Variants in MCFD2 observed in about 807,000 individuals in gnomAD.
MCFD2 encodes the protein multiple coagulation factor deficiency protein 2.
In MCFD2, 11 loss-of-function variants were observed where a neutral mutation model predicts 12.8. The observed-to-expected ratio is 0.86, with a 90% CI of 0.54 to 1.42. The LOEUF is 1.42. Ranked by LOEUF, MCFD2 falls within the 40% of genes most tolerant of loss-of-function variation. MCFD2 has a pLI of 0.00. For synonymous variants in MCFD2, 70 were observed against 68.1 expected (o/e 1.03, Z -0.14); for missense variants, 191 against 178.6 (o/e 1.07, Z -0.40).
chr2:46,918,822 AC>A (rs1668950875), upstream of MCFD2, among the ~76,000 whole-genome samples: 3 of 152,222 alleles, frequency 2.0e-5, no homozygotes, highest in African/African-American at 7.2e-5. Context: ...GAGAAGGGCA[AC>A]TCTACGTTGG....
intron 1 of MCFD2, among the ~76,000 whole-genome samples, chr2:46,926,478 A>G (rs978710235): frequency 8.5e-5 from 13 of 152,208 alleles, no homozygotes; most frequent in African/African-American, 2.9e-4. Context: ...GGGAGAGTCA[A>G]GGAAGACTTC....
Position 46,941,853 on chromosome 2 carries a change from A to T in MCFD2, c.-289T>A, listed in dbSNP as rs1294296018. The T allele has an allele frequency of 8.1e-7, 1 of 1,239,748 alleles. No individual in the cohort carries two copies. The highest frequency in any genetic ancestry group is 1.5e-5 in the African/African-American group (1 of 66,590). The allele number at this position is 1,239,748 out of a possible 1,614,324, so 76.8% of individuals were successfully genotyped here. The stretch of plus-strand genomic sequence containing the variant: ...GCCAGCCCACCGTGCTAGTCTTAAG[A>T]GCAGCCAGGGCAGTTAGGAAGGTCC... On this transcript the variant is annotated 5_prime_UTR_variant, in exon 1 of 3. Coordinates refer to the MCFD2 transcript ENST00000409147. This position sits in a 1 kb window ranked among gnomAD's most constrained non-coding sequence, Gnocchi z 4.2.
In MCFD2 at chr2:46,940,079, G is replaced by A. The variant is rs529476351; in HGVS notation, c.-8+1493C>T. ...GGGGGTCAGTGGGAACAGGAAGACT[G>A]TCTTCAACTAATCACCCTGTGTGGC... On this transcript the variant is annotated intron_variant, in intron 1 of 2. Coordinates refer to the MCFD2 transcript ENST00000409147. The surrounding 1 kb of genome is among the most constrained non-coding windows in gnomAD (Gnocchi z 4.7). Among the ~76,000 whole-genome samples, 1 of 152,110 alleles carries A rather than the reference G, an allele frequency of 6.6e-6. No homozygotes were observed. The highest frequency in any genetic ancestry group is 1.5e-5 in the Non-Finnish European group (1 of 68,034).
At chr2:46,916,285 A>G (rs183969042), upstream of MCFD2, 47 of 601,428 alleles carry the variant, frequency 7.8e-5, no homozygotes, top group East Asian at 6.2e-3. Context: ...CTTGGACCCT[A>G]CGTTTCAAGA....
At chr2:46,933,260 A>G (rs1349990608) in intron 1 of MCFD2, among the ~76,000 whole-genome samples, 2 of 152,200 alleles carry the variant, frequency 1.3e-5, no homozygotes, top group Non-Finnish European at 2.9e-5. Context: ...GAGGGAGGGC[A>G]GTGCCTGGAG....
Position 46,941,318 on chromosome 2 carries a change from C to T in MCFD2, c.-8+254G>A. 4.8e-6 allele frequency: 1 copy of T among 210,438 alleles called. No homozygotes were observed. Among genetic ancestry groups the T allele is most frequent in the Non-Finnish European group, 8.8e-6 (1 of 113,612 alleles). The allele number at this position is 210,438 out of a possible 1,614,324, so 13.0% of individuals were successfully genotyped here. A position where few individuals can be genotyped will look rare whatever the true frequency, so the allele number is the denominator to read the frequency against. The stretch of plus-strand genomic sequence containing the variant: ...CCTGTACGCGTACGGGCCGCTCGGC[C>T]GGAGCCGCAGCCCGGAGGCGCCGGG... On this transcript the variant is annotated intron_variant, in intron 1 of 2. Coordinates refer to the MCFD2 transcript ENST00000409147. The surrounding 1 kb of genome is among the most constrained non-coding windows in gnomAD (Gnocchi z 4.2).
rs763902751 is a variant in MCFD2 at position 46,909,045 on chromosome 2, T to C, written c.127A>G (p.Lys43Glu). 4 of 1,614,208 alleles carry C rather than the reference T, an allele frequency of 2.5e-6. No homozygotes were observed. In the South Asian group the frequency reaches 3.3e-5, roughly 13 times the overall value. ...TACTCTTGGTCGTGCACTGTGTTCT[T>C]ATCCAGGCCCATGCTGCCGGGTTGG... ...FSQPGSMGLD[K>E]NTVHDQEHIM... The change falls in exon 2 of 4, where the codon AAG becomes GAG. Residue 43 changes from lysine (K) to glutamate (E), a missense_variant. Lys to Glu is a moderately conservative substitution (Grantham distance 56). Transcript: ENST00000319466.
At position 46,940,761 on chromosome 2, in the gene MCFD2, G is replaced by C. The variant is rs1051877446; in HGVS notation, c.-8+811C>G. Among the ~76,000 whole-genome samples, 1 of 152,202 alleles carries C rather than the reference G, an allele frequency of 6.6e-6. No homozygotes were observed. Among genetic ancestry groups the C allele is most frequent in the Non-Finnish European group, 1.5e-5 (1 of 68,026 alleles). On this transcript the variant is annotated intron_variant, in intron 1 of 2. Coordinates refer to the MCFD2 transcript ENST00000409147. The surrounding 1 kb of genome is among the most constrained non-coding windows in gnomAD (Gnocchi z 4.7). ...GGCCTGGGAACGGGCCTGGGTCCTC[G>C]CGAGCATGCCTGGCCCGCATCGCAA...
Position 46,937,498 on chromosome 2 carries a change from T to C in MCFD2, c.-8+4074A>G, listed in dbSNP as rs1229241778. ...GACTTCGAATTGTTTTAGGAACATA[T>C]CATCCAGAGCAGCCAGATTTATAGC... On this transcript the variant is annotated intron_variant, in intron 1 of 2. Transcript: ENST00000409147. This position sits in a 1 kb window ranked among gnomAD's most constrained non-coding sequence, Gnocchi z 4.0. Among the ~76,000 whole-genome samples the C allele has an allele frequency of 6.6e-6, 1 of 152,228 alleles. No individual in the cohort carries two copies. The highest frequency in any genetic ancestry group is 1.5e-5 in the Non-Finnish European group (1 of 68,052).
chr2:46,903,555 C>G lies in MCFD2; in HGVS notation c.*1908G>C, dbSNP rs6743994. 9,752 of 152,224 alleles carry G rather than the reference C, an allele frequency of 0.064. 569 individuals are homozygous for G. The highest frequency in any genetic ancestry group is 0.14 in the African/African-American group (5,930 of 41,504). 9.4% of individuals were successfully genotyped at this position (152,224 alleles called of 1,614,324 possible). On this transcript the variant is annotated 3_prime_UTR_variant, in exon 4 of 4. Coordinates refer to ENST00000319466, the MANE Select transcript of MCFD2 (RefSeq NM_139279.6). Reference sequence around the variant, plus strand: ...CTGATAGCAATATGGACAACAAAGTCCAGGCTGAGGTGGCCTCAGATGAAG... The same window carrying G: ...CTGATAGCAATATGGACAACAAAGTGCAGGCTGAGGTGGCCTCAGATGAAG...
At chr2:46,913,500 G>C (rs912984362) in intron 1 of MCFD2, among the ~76,000 whole-genome samples, 10 of 152,248 alleles carry the variant, frequency 6.6e-5, no homozygotes, top group African/African-American at 2.4e-4. Flanking sequence ...ACAGTCAAGA[G>C]AAAGCATAAG....
rs1172047670 is a variant in MCFD2, at chr2:46,937,375, C to A, written c.-8+4197G>T. On this transcript the variant is annotated intron_variant, in intron 1 of 2. Transcript: ENST00000409147. The surrounding 1 kb of genome is among the most constrained non-coding windows in gnomAD (Gnocchi z 4.0). ...GCTAGATACCCCAAAGCTCACTTAA[C>A]TTCAGAATAGAAAAAAAAAATCTCT... Among the ~76,000 whole-genome samples, 10 of 152,076 alleles carry A rather than the reference C, an allele frequency of 6.6e-5. No individual in the cohort carries two copies. Among genetic ancestry groups the A allele is most frequent in the African/African-American group, 2.4e-4 (10 of 41,482 alleles).
intron 1 of MCFD2, among the ~76,000 whole-genome samples, chr2:46,914,948 G>C (rs1034391951): frequency 6.6e-6 from 1 of 152,216 alleles, no homozygotes; most frequent in African/African-American, 2.4e-5. Flanking sequence ...TGCAAGCCCC[G>C]TTCAAGAGCT....
chr2:46,930,715 G>T (rs957822885), intron 1 of MCFD2, among the ~76,000 whole-genome samples: 2 of 151,984 alleles, frequency 1.3e-5, no homozygotes, highest in African/African-American at 4.8e-5. Context: ...GGCCAAGCTG[G>T]TCTCGAACTC....
At chr2:46,915,919 G>C (rs1343943144), upstream of MCFD2, 1 of 985,112 alleles carries the variant, frequency 1.0e-6, no homozygotes, top group Non-Finnish European at 1.2e-6. Flanking sequence ...AGGACGGCTC[G>C]CGTGAGTCCA....
At chr2:46,929,894 A>G (rs1051798120) in intron 1 of MCFD2, among the ~76,000 whole-genome samples, 1 of 152,202 alleles carries the variant, frequency 6.6e-6, no homozygotes, top group African/African-American at 2.4e-5. Flanking sequence ...ATGGTTCACC[A>G]TATCATCTCT....
chr2:46,917,476 C>G (rs1668871238), upstream of MCFD2, among the ~76,000 whole-genome samples: 1 of 152,170 alleles, frequency 6.6e-6, no homozygotes, highest in Non-Finnish European at 1.5e-5. Flanking sequence ...AATAACATTT[C>G]TTGAATATCT....
rs1670049482 is a variant in MCFD2, at chr2:46,937,695, C to T, written c.-8+3877G>A. On this transcript the variant is annotated intron_variant, in intron 1 of 2. Transcript: ENST00000409147. The surrounding 1 kb of genome is among the most constrained non-coding windows in gnomAD (Gnocchi z 4.0). ...TCAAGTGATTCTCCCACCTCCTTCT[C>T]CCAAAGTGTTAGGATTATAGGCACG... Among the ~76,000 whole-genome samples, 2 of 152,186 alleles carry T rather than the reference C, an allele frequency of 1.3e-5. No homozygotes were observed. The highest frequency in any genetic ancestry group is 1.3e-4 in the Admixed American group (2 of 15,272).
In MCFD2 at chr2:46,902,697, G is replaced by C. The variant is rs1299292184; in HGVS notation, c.*2766C>G. ...CTCAGAATCTCAGACTCTGTGGCTA[G>C]GCTGACATTCTTATGCTGTGGCTTT... On this transcript the variant is annotated 3_prime_UTR_variant, in exon 4 of 4. Coordinates refer to ENST00000319466, the MANE Select transcript of MCFD2 (RefSeq NM_139279.6). 2 of 152,572 alleles carry C rather than the reference G, an allele frequency of 1.3e-5. No individual in the cohort carries two copies. The highest frequency in any genetic ancestry group is 4.8e-5 in the African/African-American group (2 of 41,450). The allele number at this position is 152,572 out of a possible 1,614,324, so 9.5% of individuals were successfully genotyped here.
Sources: allele counts gnomAD v4.1 joint callset (sites outside exome capture counted in the v4.1 genomes callset), GRCh38; gene constraint gnomAD v4.1.1; non-coding constraint Gnocchi (gnomAD v3.1); transcripts MANE v1.5; gene names NCBI Gene and HGNC (gene_info 2026-07-23, HGNC 2026-07-21).